Variants in ADAMTSL1 observed in about 807,000 individuals in gnomAD.
ADAMTSL1 encodes the protein ADAMTS like 1.
Under a neutral mutation model 201.8 loss-of-function variants are expected in ADAMTSL1, and 126 were observed. The ratio of observed to expected loss-of-function variants is 0.62; its 90% CI spans 0.54 to 0.72. ADAMTSL1 has a LOEUF of 0.72. Ranked by LOEUF, ADAMTSL1 falls within the 30% of genes least tolerant of loss-of-function variation. The pLI is 0.00. For synonymous variants in ADAMTSL1, 1,121 were observed against 903.4 expected (o/e 1.24, Z -4.32); for missense variants, 2,679 against 2,277.8 (o/e 1.18, Z -3.59).
chr9:18,880,130 C>T (rs1828435834), intron 23 of ADAMTSL1, among the ~76,000 whole-genome samples: 2 of 152,178 alleles, frequency 1.3e-5, no homozygotes, highest in Admixed American at 1.3e-4. Context: ...GTTATTTCTA[C>T]CACATCTGCA....
chr9:18,290,622 A>G (rs1291611804), intron 2 of ADAMTSL1, among the ~76,000 whole-genome samples: 1 of 151,972 alleles, frequency 6.6e-6, no homozygotes, highest in Non-Finnish European at 1.5e-5. Context: ...TACTTGATGA[A>G]AGAAACCAAC....
intron 2 of ADAMTSL1, among the ~76,000 whole-genome samples, chr9:18,229,387 G>GTGAT (rs1286336987): frequency 6.6e-6 from 1 of 152,120 alleles, no homozygotes; most frequent in Non-Finnish European, 1.5e-5. Flanking sequence ...GGACTGTGAT[G>GTGAT]TGACAGTGGC....
intron 3 of ADAMTSL1, among the ~76,000 whole-genome samples, chr9:18,548,718 A>T (rs1750502017): frequency 6.6e-6 from 1 of 152,098 alleles, no homozygotes; most frequent in African/African-American, 2.4e-5. Context: ...TATTGACTTT[A>T]TGTTGAAAAG....
intron 2 of ADAMTSL1, among the ~76,000 whole-genome samples, chr9:18,395,373 T>A (rs1421000436): frequency 6.6e-6 from 1 of 152,198 alleles, no homozygotes; most frequent in East Asian, 1.9e-4. Context: ...AAGATGTCGA[T>A]CTAAAGTTTG....
At chr9:18,188,833 A>C (rs919354234) in intron 2 of ADAMTSL1, among the ~76,000 whole-genome samples, 1 of 152,160 alleles carries the variant, frequency 6.6e-6, no homozygotes, top group Non-Finnish European at 1.5e-5. Context: ...AATTTGCTGA[A>C]CACCGTTATG....
intron 2 of ADAMTSL1, among the ~76,000 whole-genome samples, chr9:18,230,171 G>T (rs1462599784): frequency 6.6e-6 from 1 of 152,164 alleles, no homozygotes; most frequent in Non-Finnish European, 1.5e-5. Context: ...CAGTAACCCA[G>T]AGGTGAGACA....
At chr9:18,626,878 C>CTTTCTTTCTTTCTTACTTT (rs1461320087) in intron 5 of ADAMTSL1, among the ~76,000 whole-genome samples, 4 of 90,004 alleles carry the variant, frequency 4.4e-5, no homozygotes, top group Non-Finnish European at 6.4e-5. Flanking sequence ...TGTCTTTCTT[C>CTTTCTTTCTTTCTTACTTT]CTTCCTTCCT....
intron 2 of ADAMTSL1, among the ~76,000 whole-genome samples, chr9:18,254,557 G>A (rs1420199088): frequency 6.6e-6 from 1 of 151,416 alleles, no homozygotes; most frequent in South Asian, 2.1e-4. Context: ...TAAAGACGGG[G>A]TTTCACCATG....
intron 15 of ADAMTSL1, 117 bp downstream of exon 15, chr9:18,721,782 A>G: frequency 8.4e-6 from 12 of 1,430,294 alleles, no homozygotes; most frequent in Non-Finnish European, 1.1e-5. Context: ...ACCAATTAGC[A>G]TCAGTTCAAA....
rs374445427 is a variant in ADAMTSL1 at position 18,795,493 on chromosome 9, C to T, written c.3774C>T (p.Tyr1258=). Residue 1258 remains tyrosine, a synonymous_variant, in exon 20 of 29, where the codon TAC becomes TAT. Transcript: ENST00000380548. ...YTCNATNALG[Y]DSVSIAVTLA... is the part of the protein sequence containing the mutation. ...GCAATGCCACCAATGCCTTGGGATA[C>T]GACTCTGTCTCCATTGCCGTCACAT... 9.8e-5 allele frequency: 158 copies of T among 1,613,558 alleles called. No individual in the cohort carries two copies. The highest frequency in any genetic ancestry group is 1.2e-4 in the Non-Finnish European group (147 of 1,179,716).
chr9:18,074,722 C>T (rs1823136621), intron 1 of ADAMTSL1, among the ~76,000 whole-genome samples: 1 of 152,016 alleles, frequency 6.6e-6, no homozygotes, highest in Admixed American at 6.6e-5. Context: ...TCCCAAGTAG[C>T]TGGGATTACA....
chr9:18,132,597 C>G (rs567942053), intron 1 of ADAMTSL1, among the ~76,000 whole-genome samples: 3 of 152,174 alleles, frequency 2.0e-5, no homozygotes, highest in Non-Finnish European at 4.4e-5. Flanking sequence ...CATTCTATCA[C>G]TTCCAGATTG....
intron 1 of ADAMTSL1, among the ~76,000 whole-genome samples, chr9:18,110,428 T>C (rs1564005899): frequency 6.6e-6 from 1 of 152,132 alleles, no homozygotes; most frequent in Non-Finnish European, 1.5e-5. Context: ...GCCACCAGGG[T>C]CTATGACTGA....
Position 18,330,412 on chromosome 9 carries a change from A to G in ADAMTSL1, c.207+166431A>G, listed in dbSNP as rs73430922. Among the ~76,000 whole-genome samples, 1,357 of 151,890 alleles carry G rather than the reference A, an allele frequency of 8.9e-3. 32 individuals carry two copies. Among genetic ancestry groups the G allele is most frequent in the African/African-American group, 0.031 (1,283 of 41,396 alleles). On this transcript the variant is annotated intron_variant, in intron 2 of 29. Transcript: ENST00000680146. ...GACACAGTTGAGGACTGCCTTCCCA[A>G]TCTGTATTCTGTGCTCCATCATAAC... is the stretch of plus-strand genomic sequence containing the variant.
At chr9:18,025,630 T>C (rs975843509) in intron 1 of ADAMTSL1, among the ~76,000 whole-genome samples, 1 of 152,144 alleles carries the variant, frequency 6.6e-6, no homozygotes, top group Non-Finnish European at 1.5e-5. Flanking sequence ...TTTGGACCAG[T>C]ACCATGCTGT....
intron 1 of ADAMTSL1, among the ~76,000 whole-genome samples, chr9:18,099,089 A>G (rs1411801725): frequency 1.4e-5 from 2 of 145,554 alleles, no homozygotes; most frequent in Non-Finnish European, 3.0e-5. Context: ...ACTTTTTTGC[A>G]GGTTGACAGC....
intron 2 of ADAMTSL1, among the ~76,000 whole-genome samples, chr9:18,278,254 C>G (rs116805274): frequency 0.015 from 2,298 of 152,172 alleles, 66 homozygotes; most frequent in African/African-American, 0.053. Flanking sequence ...GGTTTTTATA[C>G]TTTCATGTGT....
At chr9:18,563,625 C>A (rs752251889) in intron 3 of ADAMTSL1, among the ~76,000 whole-genome samples, 1 of 152,234 alleles carries the variant, frequency 6.6e-6, no homozygotes, top group Non-Finnish European at 1.5e-5. Flanking sequence ...CTCCCCTTCA[C>A]CCAGGTGCTC....
intron 3 of ADAMTSL1, among the ~76,000 whole-genome samples, chr9:18,571,046 A>G (rs1194316397): frequency 6.6e-6 from 1 of 152,206 alleles, no homozygotes; most frequent in African/African-American, 2.4e-5. Context: ...TTTTAACTTC[A>G]TTGGTTTACC....
Sources: gnomAD v4.1 joint callset for allele counts (sites outside exome capture counted in the v4.1 genomes callset) on GRCh38, gnomAD v4.1.1 for gene constraint, MANE v1.5 for transcripts, NCBI Gene and HGNC (gene_info 2026-07-23, HGNC 2026-07-21) for gene names.